The following CEP63 variants were observed in gnomAD, a reference collection of about 807,000 sequenced individuals.
CEP63 encodes the protein centrosomal protein 63.
Under a neutral mutation model 89.1 loss-of-function variants are expected in CEP63, and 84 were observed. The ratio of observed to expected loss-of-function variants is 0.94; its 90% CI spans 0.79 to 1.13. The LOEUF is 1.13. CEP63 is among the 50% of genes most tolerant of loss of function. The pLI, the probability that CEP63 is intolerant of heterozygous loss-of-function variation, is 0.00. For synonymous variants in CEP63, 267 were observed against 272.5 expected (o/e 0.98, Z 0.20); for missense variants, 838 against 813.3 (o/e 1.03, Z -0.37).
At chr3:134,704,233 G>T in the CEP63 span, among the ~76,000 whole-genome samples, 1 of 152,132 alleles carries the variant, frequency 6.6e-6, no homozygotes, top group Non-Finnish European at 1.5e-5. Flanking sequence ...TTTGAAGCAG[G>T]CTTGGGTATC....
At chr3:134,519,812 T>C (rs542777997) in intron 3 of CEP63, among the ~76,000 whole-genome samples, 2 of 152,274 alleles carry the variant, frequency 1.3e-5, no homozygotes, top group African/African-American at 4.8e-5. Context: ...CATCATATTA[T>C]CAGAGGAAAA....
At chr3:134,670,650 G>A in the CEP63 span, among the ~76,000 whole-genome samples, 275 of 152,332 alleles carry the variant, frequency 1.8e-3, 1 homozygote, top group African/African-American at 5.9e-3. Context: ...AACTGTTACC[G>A]TAATTTTGGA....
chr3:134,526,099 A>C (rs1194868954), intron 3 of CEP63, among the ~76,000 whole-genome samples: 1 of 151,848 alleles, frequency 6.6e-6, no homozygotes, highest in Non-Finnish European at 1.5e-5. Context: ...TCTTTACATA[A>C]TCCCATATAT....
chr3:134,569,946 G>A (rs911764139), downstream of CEP63, among the ~76,000 whole-genome samples: 2 of 152,200 alleles, frequency 1.3e-5, no homozygotes, highest in Non-Finnish European at 2.9e-5. Context: ...AACACCACAT[G>A]GAATCTGCTA....
the CEP63 span, chr3:134,651,627 G>C: frequency 2.0e-6 from 2 of 987,138 alleles, no homozygotes; most frequent in Non-Finnish European, 2.4e-6. Flanking sequence ...GCTCCCCCCA[G>C]TTACGGCCCC....
chr3:134,673,536 T>A, the CEP63 span, among the ~76,000 whole-genome samples: 2 of 152,126 alleles, frequency 1.3e-5, no homozygotes, highest in African/African-American at 2.4e-5. Flanking sequence ...CCTGGCTCAG[T>A]GTGGCAGCCA....
the CEP63 span, chr3:134,606,999 T>G: frequency 1.0e-6 from 1 of 982,756 alleles, no homozygotes. Flanking sequence ...TGTACATAAG[T>G]ATCAGATATA....
chr3:134,621,025 A>G, the CEP63 span, among the ~76,000 whole-genome samples: 1 of 152,156 alleles, frequency 6.6e-6, no homozygotes, highest in East Asian at 1.9e-4. Context: ...AGGTGGGGGA[A>G]GTTGGACAGG....
chr3:134,645,623 GA>G, the CEP63 span, among the ~76,000 whole-genome samples: 1 of 152,202 alleles, frequency 6.6e-6, no homozygotes, highest in African/African-American at 2.4e-5. Flanking sequence ...AAAAATAAAT[GA>G]AATTTCGCTT....
At chr3:134,621,937 A>C in the CEP63 span, among the ~76,000 whole-genome samples, 1 of 152,234 alleles carries the variant, frequency 6.6e-6, no homozygotes, top group Non-Finnish European at 1.5e-5. Flanking sequence ...GAAGATATAC[A>C]AATGGCCAAT....
At chr3:134,676,908 A>G in the CEP63 span, among the ~76,000 whole-genome samples, 3 of 152,120 alleles carry the variant, frequency 2.0e-5, no homozygotes, top group Non-Finnish European at 1.5e-5. Context: ...ATCTCCACGT[A>G]TTGGCTCCTC....
the CEP63 span, among the ~76,000 whole-genome samples, chr3:134,682,749 A>G: frequency 1.3e-5 from 2 of 152,270 alleles, no homozygotes; most frequent in East Asian, 3.9e-4. Context: ...TGAGTGCTTT[A>G]CTCATTCAGT....
At chr3:134,662,746 G>T in the CEP63 span, among the ~76,000 whole-genome samples, 5 of 152,216 alleles carry the variant, frequency 3.3e-5, no homozygotes, top group East Asian at 3.8e-4. Flanking sequence ...GACAGATAGC[G>T]TCTGGGCTGT....
chr3:134,513,260 A>G (rs908668619), intron 3 of CEP63, among the ~76,000 whole-genome samples: 17 of 152,164 alleles, frequency 1.1e-4, no homozygotes, highest in African/African-American at 3.9e-4. Flanking sequence ...ATTTTGATAG[A>G]GCATAGTTTT....
Position 134,551,910 on chromosome 3 carries a change from GT to G in CEP63, c.1381-12del. On this transcript the variant is annotated splice_polypyrimidine_tract_variant and intron_variant, in intron 11 of 14. Transcript: ENST00000675561. ...TTACATGTTATATTTATTTTTTTCT[GT>G]TTTCCCCTTTTCAGGAGATTTTGGA... 6.4e-7 allele frequency: 1 copy of G among 1,572,716 alleles called. No homozygotes were observed. The highest frequency in any genetic ancestry group is 8.7e-7 in the Non-Finnish European group (1 of 1,148,396).
At chr3:134,632,132 G>A in the CEP63 span, among the ~76,000 whole-genome samples, 1 of 152,102 alleles carries the variant, frequency 6.6e-6, no homozygotes, top group East Asian at 1.9e-4. Flanking sequence ...GAACTGATAG[G>A]ACTAAAAGGA....
At position 134,537,209 on chromosome 3, in the gene CEP63, C is replaced by A; in HGVS notation, c.496C>A (p.Gln166Lys). The A allele has an allele frequency of 6.2e-7, 1 of 1,613,998 alleles. No homozygotes were observed. The highest frequency in any genetic ancestry group is 1.1e-5 in the South Asian group (1 of 91,084). The change falls in exon 6 of 15, where the codon CAG becomes AAG. Residue 166 changes from glutamine (Q) to lysine (K), a missense_variant. Gln to Lys is a moderately conservative substitution (Grantham distance 53). Transcript: ENST00000675561. Reference protein sequence around the residue: ...WEKQRLIYQQQVSSLEAQRKA... With the variant: ...WEKQRLIYQQKVSSLEAQRKA... The stretch of plus-strand genomic sequence containing the variant: ...GAAGCAACGCTTGATTTATCAGCAA[C>A]AGGTATCTTCACTGGAGGCACAAAG...
At chr3:134,686,153 T>A in the CEP63 span, among the ~76,000 whole-genome samples, 2 of 152,232 alleles carry the variant, frequency 1.3e-5, no homozygotes, top group South Asian at 2.1e-4. Flanking sequence ...TGGCACTGGG[T>A]GATCAACAAA....
the CEP63 span, among the ~76,000 whole-genome samples, chr3:134,777,592 C>T: frequency 6.7e-6 from 1 of 148,270 alleles, no homozygotes; most frequent in Non-Finnish European, 1.5e-5. Flanking sequence ...TAGACTTCAA[C>T]CTTTGAAAGA....
Sources: allele counts gnomAD v4.1 joint callset (sites outside exome capture counted in the v4.1 genomes callset), GRCh38; gene constraint gnomAD v4.1.1; transcripts MANE v1.5; gene names NCBI Gene and HGNC (gene_info 2026-07-23, HGNC 2026-07-21).